GSDMC: variants seen among roughly 807,000 people sequenced by gnomAD.
GSDMC encodes gasdermin-C.
GSDMC carries 59 observed loss-of-function variants against 58.0 expected under a neutral mutation model. That is an observed-to-expected ratio of 1.02 (90% confidence interval 0.82 to 1.26). The LOEUF (loss-of-function observed/expected upper bound fraction) is 1.26. Ranked by LOEUF, GSDMC falls within the 50% of genes most tolerant of loss-of-function variation. The probability of loss-of-function intolerance (pLI) is 0.00; values close to 1 mark genes in which losing one functional copy is unlikely to be tolerated. For missense variants in GSDMC, 659 were observed against 598.5 expected, an observed-to-expected ratio of 1.10 and a Z score of -1.06; for synonymous variants, 241 against 220.2, an observed-to-expected ratio of 1.09 and a Z score of -0.83.
At chr8:129,780,099 G>T (rs1435542048) in intron 1 of GSDMC, among the ~76,000 whole-genome samples, 1 of 152,096 alleles carries the variant, frequency 6.6e-6, no homozygotes, top group Non-Finnish European at 1.5e-5. Flanking sequence ...AAAGAAAAAA[G>T]AATGAAGCAT....
intron 1 of GSDMC, among the ~76,000 whole-genome samples, chr8:129,780,501 C>T (rs886802128): frequency 7.2e-5 from 11 of 151,982 alleles, no homozygotes; most frequent in African/African-American, 2.2e-4. Context: ...ATTTAATGTG[C>T]TGAAGGGAAA....
chr8:129,758,062 A>G (rs1299553535), intron 6 of GSDMC, among the ~76,000 whole-genome samples: 1 of 152,240 alleles, frequency 6.6e-6, no homozygotes, highest in Non-Finnish European at 1.5e-5. Flanking sequence ...ATAGTTCAAC[A>G]TACACAAATC....
the GSDMC span, among the ~76,000 whole-genome samples, chr8:129,707,851 T>C: frequency 6.6e-6 from 1 of 152,224 alleles, no homozygotes; most frequent in African/African-American, 2.4e-5. Context: ...AAAACAGAGA[T>C]AAGAGGATAG....
chr8:129,725,448 GGCATCTCA>G, the GSDMC span, among the ~76,000 whole-genome samples: 1 of 152,250 alleles, frequency 6.6e-6, no homozygotes, highest in East Asian at 1.9e-4. Flanking sequence ...CATGTGGCCT[GGCATCTCA>G]GTTACTTATC....
At chr8:129,758,780 T>A (rs564492580) in intron 6 of GSDMC, among the ~76,000 whole-genome samples, 1 of 152,144 alleles carries the variant, frequency 6.6e-6, no homozygotes, top group South Asian at 2.1e-4. Context: ...TGTTAAAATG[T>A]CTATACTCCC....
chr8:129,752,147 T>G lies in GSDMC; in HGVS notation c.845A>C (p.Glu282Ala). Residue 282 changes from glutamate (E) to alanine (A), a missense_variant and splice_region_variant, in exon 8 of 14, where the codon GAG becomes GCG. Physicochemically the swap from Glu to Ala is moderately radical, Grantham distance 107. Transcript: ENST00000276708. Reference protein sequence around the residue: ...ASSNDMKLKPELFLTQQFLSG... With the variant: ...ASSNDMKLKPALFLTQQFLSG... Reference sequence around the variant, plus strand: ...CAAAAATTGCTGTGTCAGAAATAGCTCTGGAAAGAGAAAGAAAAGTGTTTA... The same window carrying G: ...CAAAAATTGCTGTGTCAGAAATAGCGCTGGAAAGAGAAAGAAAAGTGTTTA... 2 of 1,612,276 alleles carry G rather than the reference T, an allele frequency of 1.2e-6. No homozygotes were observed. The highest frequency in any genetic ancestry group is 1.7e-6 in the Non-Finnish European group (2 of 1,178,368).
chr8:129,776,835 A>T (rs1007127067), intron 2 of GSDMC, among the ~76,000 whole-genome samples: 2 of 152,070 alleles, frequency 1.3e-5, no homozygotes, highest in East Asian at 3.9e-4. Context: ...ATCCCAGCTC[A>T]CTGCAACCTC....
chr8:129,739,958 G>A, the GSDMC span, among the ~76,000 whole-genome samples: 5 of 152,156 alleles, frequency 3.3e-5, no homozygotes, highest in African/African-American at 1.2e-4. Flanking sequence ...CAGGTGTGGA[G>A]GTGGAAGAAA....
intron 9 of GSDMC, 82 bp downstream of exon 9, chr8:129,751,780 C>G (rs1048256831): frequency 2.8e-6 from 4 of 1,422,236 alleles, no homozygotes; most frequent in Non-Finnish European, 3.0e-6. Context: ...GTGGCAAAGG[C>G]GAGGCAGGGG....
rs1353031834 is a variant in GSDMC at position 129,786,526 on chromosome 8, C to T, written c.-520G>A. ...AAAATAAGCACAGGAGGGCCCTGTT[C>T]ATTTCCAGAAGAGTAAGTCTGGAAC... On this transcript the variant is annotated 5_prime_UTR_variant, in exon 1 of 14. An upstream start codon of the reference 5' UTR is lost. Coordinates refer to ENST00000276708, the MANE Select transcript of GSDMC (RefSeq NM_031415.3). The T allele has an allele frequency of 1.3e-5, 2 of 152,164 alleles. No individual in the cohort carries two copies. Among genetic ancestry groups the T allele is most frequent in the Non-Finnish European group, 2.9e-5 (2 of 68,048 alleles). The allele number at this position is 152,164 out of a possible 1,614,324, so 9.4% of individuals were successfully genotyped here. A position where few individuals can be genotyped will look rare whatever the true frequency, so the allele number is the denominator to read the frequency against.
intron 1 of GSDMC, among the ~76,000 whole-genome samples, chr8:129,783,711 T>C (rs929206971): frequency 2.0e-5 from 3 of 152,102 alleles, no homozygotes; most frequent in Non-Finnish European, 4.4e-5. Flanking sequence ...AAAATATCAA[T>C]GACATTCTTC....
At chr8:129,717,027 T>C in the GSDMC span, among the ~76,000 whole-genome samples, 5 of 152,126 alleles carry the variant, frequency 3.3e-5, no homozygotes, top group Admixed American at 6.5e-5. Flanking sequence ...GCCAGTATTT[T>C]ATTAAGGATT....
the GSDMC span, chr8:129,730,206 G>T: frequency 1.6e-6 from 2 of 1,235,726 alleles, no homozygotes; most frequent in Non-Finnish European, 2.2e-6. Flanking sequence ...GTATCTAGAA[G>T]AAGAAATGAA....
the GSDMC span, among the ~76,000 whole-genome samples, chr8:129,709,348 C>T: frequency 2.3e-4 from 35 of 152,246 alleles, no homozygotes; most frequent in East Asian, 5.4e-3. Context: ...AATCCTGACA[C>T]ATCAGAGGCA....
chr8:129,746,377 G>C (rs1361065963), downstream of GSDMC, among the ~76,000 whole-genome samples: 1 of 152,162 alleles, frequency 6.6e-6, no homozygotes, highest in Non-Finnish European at 1.5e-5. Flanking sequence ...TATAGACATA[G>C]AGGAAAGAGC....
the GSDMC span, among the ~76,000 whole-genome samples, chr8:129,737,488 A>G: frequency 2.0e-5 from 3 of 152,224 alleles, no homozygotes; most frequent in Admixed American, 1.3e-4. Flanking sequence ...ACAATACCAC[A>G]CATCTACAAC....
the GSDMC span, among the ~76,000 whole-genome samples, chr8:129,716,897 C>T: frequency 6.6e-6 from 1 of 152,172 alleles, no homozygotes; most frequent in Non-Finnish European, 1.5e-5. Context: ...GCCATTGGTT[C>T]TGTTCATATG....
Position 129,752,792 on chromosome 8 carries a change from G to A in GSDMC, c.750C>T (p.Tyr250=), listed in dbSNP as rs2033267004. The A allele has an allele frequency of 1.9e-6, 3 of 1,614,196 alleles. No individual in the cohort carries two copies. The highest frequency in any genetic ancestry group is 2.5e-6 in the Non-Finnish European group (3 of 1,180,024). The part of the protein sequence containing the change: ...DEYEISEMVG[Y]CAARSEGLLP... ...GCAACCCCTCACTCCTCGCAGCACA[G>A]TAGCCTACCATTTCGGAAATTTCGT... Residue 250 remains tyrosine, a synonymous_variant, in exon 7 of 14, where the codon TAC becomes TAT. Transcript: ENST00000276708.
chr8:129,754,552 C>A (rs1350991737), intron 6 of GSDMC, among the ~76,000 whole-genome samples: 1 of 152,014 alleles, frequency 6.6e-6, no homozygotes, highest in African/African-American at 2.4e-5. Flanking sequence ...GCCTACATAC[C>A]AAAAAACATC....
Sources: gnomAD v4.1 joint callset for allele counts (sites outside exome capture counted in the v4.1 genomes callset) on GRCh38, gnomAD v4.1.1 for gene constraint, MANE v1.5 for transcripts, NCBI Gene and HGNC (gene_info 2026-07-23, HGNC 2026-07-21) for gene names.